Variants in ANO2 observed in about 807,000 individuals in gnomAD.
ANO2 encodes anoctamin 2.
A neutral mutation model predicts 124.2 loss-of-function variants in ANO2; 101 were observed. The observed-to-expected ratio is 0.81, with a 90% CI of 0.69 to 0.96. ANO2 has a LOEUF of 0.96. Ranked by LOEUF, ANO2 falls within the 40% of genes least tolerant of loss-of-function variation. ANO2 has a pLI of 0.00. For missense variants in ANO2, 1,293 were observed against 1,274.5 expected (o/e 1.01, Z -0.22); for synonymous variants, 486 against 482.5 (o/e 1.01, Z -0.09).
At chr12:5,694,058 C>T (rs1005498369) in intron 14 of ANO2, among the ~76,000 whole-genome samples, 1 of 152,120 alleles carries the variant, frequency 6.6e-6, no homozygotes, top group East Asian at 1.9e-4. Flanking sequence ...TTCAATGCTG[C>T]AGCCCCAGAG....
At chr12:5,751,006 A>G (rs1463582899) in intron 10 of ANO2, 36 bp from the exon 11 acceptor site, 1 of 1,552,358 alleles carries the variant, frequency 6.4e-7, no homozygotes, top group Admixed American at 1.9e-5. Flanking sequence ...AACACATATT[A>G]AGAACATCAT....
intron 4 of ANO2, among the ~76,000 whole-genome samples, chr12:5,840,959 C>T (rs979821946): frequency 3.2e-4 from 48 of 152,146 alleles, no homozygotes; most frequent in African/African-American, 1.0e-3. Context: ...ACAGAGAAGC[C>T]GAACAATAGG....
intron 3 of ANO2, among the ~76,000 whole-genome samples, chr12:5,903,686 C>T (rs2136284881): frequency 1.4e-5 from 2 of 140,966 alleles, no homozygotes; most frequent in South Asian, 4.4e-4. Context: ...TGGGTGTAGA[C>T]AGCAAGGTCT....
Position 5,814,234 on chromosome 12 carries a change from G to A in ANO2, c.893-6866C>T, listed in dbSNP as rs574322213. On this transcript the variant is annotated intron_variant, in intron 7 of 24. Transcript: ENST00000682330. ...ATTGTTAATTCCAGGTTACAACGCC[G>A]TCCCTGGCATTCCCCAACTCCCTGC... Among the ~76,000 whole-genome samples the A allele has an allele frequency of 5.4e-4, 83 of 152,298 alleles. 2 individuals carry two copies. Among genetic ancestry groups the A allele is most frequent in the African/African-American group, 1.6e-3 (65 of 41,562 alleles).
intron 14 of ANO2, among the ~76,000 whole-genome samples, chr12:5,680,110 G>T (rs1350382453): frequency 6.6e-6 from 1 of 152,138 alleles, no homozygotes; most frequent in African/African-American, 2.4e-5. Context: ...CACACTGGGG[G>T]AACAACACAC....
chr12:5,903,673 G>GTA (rs1436217029), intron 3 of ANO2, among the ~76,000 whole-genome samples: 2 of 151,738 alleles, frequency 1.3e-5, no homozygotes, highest in Non-Finnish European at 2.9e-5. Flanking sequence ...GTGTGTGTGT[G>GTA]TGTGGGTGTA....
At chr12:5,922,581 C>G (rs939444055) in intron 2 of ANO2, 39 bp downstream of exon 2, 16 of 1,504,502 alleles carry the variant, frequency 1.1e-5, no homozygotes, top group Non-Finnish European at 1.4e-5. Context: ...TGCAACAGGG[C>G]TGGCCTATCC....
chr12:5,615,295 C>A lies in ANO2; in HGVS notation c.1819G>T (p.Val607Phe), dbSNP rs184602163. 8.0e-5 allele frequency: 129 copies of A among 1,611,688 alleles called. No individual in the cohort carries two copies. The South Asian group carries it at 1.3e-3, about 16-fold the overall frequency. ...TCAAAAGTCTGTTCTGTTTTCGGAA[C>A]CTCTGTAAGAGAAGAGCGAGGCTGA... ...AVAKWLTKIE[V>F]PKTEQTFEER... is the part of the protein sequence containing the mutation. The change falls in exon 17 of 25, where the codon GTT (valine) becomes TTT (phenylalanine). Residue 607 changes from valine (V) to phenylalanine (F), a missense_variant and splice_region_variant. By Grantham distance (50) the Val-to-Phe change is conservative. Coordinates refer to ENST00000682330, the MANE Select transcript of ANO2 (RefSeq NM_001364791.2).
At position 5,888,428 on chromosome 12, in the gene ANO2, G is replaced by T. The variant is rs139123070; in HGVS notation, c.534+32612C>A. ...CGGATTGCCACCGCTGGCTCCAGCA[G>T]CCTGCTTTTATTCTCTTATCTGGCC... On this transcript the variant is annotated intron_variant, in intron 3 of 24. Transcript: ENST00000682330. Among the ~76,000 whole-genome samples, 824 of 152,266 alleles carry T rather than the reference G, an allele frequency of 5.4e-3. 6 individuals are homozygous for T. The highest frequency in any genetic ancestry group is 0.019 in the African/African-American group (800 of 41,554).
At chr12:5,762,706 TTGAA>T in intron 10 of ANO2, among the ~76,000 whole-genome samples, 1 of 151,990 alleles carries the variant, frequency 6.6e-6, no homozygotes, top group East Asian at 1.9e-4. Context: ...CTGACTATAA[TTGAA>T]TGAATTTATT....
chr12:5,702,614 G>T (rs1485968445), intron 14 of ANO2, among the ~76,000 whole-genome samples: 1 of 150,406 alleles, frequency 6.6e-6, no homozygotes, highest in Non-Finnish European at 1.5e-5. Context: ...CAATGAAATT[G>T]ATCTCTTCCG....
chr12:5,873,026 T>C (rs900039087), intron 3 of ANO2, among the ~76,000 whole-genome samples: 1 of 152,174 alleles, frequency 6.6e-6, no homozygotes. Flanking sequence ...GCTCTCTTTG[T>C]TTCAACATTT....
Position 5,921,113 on chromosome 12 carries a change from T to C in ANO2, c.461A>G (p.Glu154Gly). Residue 154 changes from glutamate (E) to glycine (G), a missense_variant, in exon 3 of 25, where the codon GAG (glutamate) becomes GGG (glycine). Transcript: ENST00000682330. ...ELGPLDALEE[E>G]RKEQREEFEH... ...AAATTCCTCCCGCTGCTCCTTCCTC[T>C]CCTCCTCCAGGGCATCGAGCGGTCC... 1 of 1,613,794 alleles carries C rather than the reference T, an allele frequency of 6.2e-7. No individual in the cohort carries two copies. The highest frequency in any genetic ancestry group is 8.5e-7 in the Non-Finnish European group (1 of 1,179,840).
chr12:5,691,093 G>A (rs1172745767), intron 14 of ANO2, among the ~76,000 whole-genome samples: 3 of 152,074 alleles, frequency 2.0e-5, no homozygotes, highest in African/African-American at 7.2e-5. Context: ...ACTTTGGGAG[G>A]CTGAGGCAGG....
At chr12:5,599,328 A>T (rs927288230) in intron 20 of ANO2, among the ~76,000 whole-genome samples, 156 bp downstream of exon 20, 1 of 152,158 alleles carries the variant, frequency 6.6e-6, no homozygotes, top group Non-Finnish European at 1.5e-5. Context: ...CTCAACTTTC[A>T]TGTGGCACTG....
chr12:5,738,783 G>C (rs1423786088), intron 13 of ANO2, among the ~76,000 whole-genome samples: 11 of 152,158 alleles, frequency 7.2e-5, no homozygotes. Flanking sequence ...CATCTGTCCA[G>C]AACACTGCTC....
At chr12:5,842,915 A>G (rs933687530) in intron 4 of ANO2, among the ~76,000 whole-genome samples, 2 of 152,112 alleles carry the variant, frequency 1.3e-5, no homozygotes, top group African/African-American at 2.4e-5. Flanking sequence ...ATTACAGAAA[A>G]CAAAATGAAT....
At chr12:5,896,062 T>G (rs1266227898) in intron 3 of ANO2, among the ~76,000 whole-genome samples, 1 of 152,122 alleles carries the variant, frequency 6.6e-6, no homozygotes, top group Non-Finnish European at 1.5e-5. Context: ...TCCTCTCACT[T>G]ATAAGTGGGA....
chr12:5,691,327 C>CAAAAAAAAAAAA (rs60573302), intron 14 of ANO2, among the ~76,000 whole-genome samples: 5 of 86,996 alleles, frequency 5.7e-5, no homozygotes, highest in Admixed American at 1.4e-4. Context: ...GACTCCATCT[C>CAAAAAAAAAAAA]AAAAAAAAAA....
Sources: gnomAD v4.1 joint callset for allele counts (sites outside exome capture counted in the v4.1 genomes callset) on GRCh38, gnomAD v4.1.1 for gene constraint, MANE v1.5 for transcripts, NCBI Gene and HGNC (gene_info 2026-07-23, HGNC 2026-07-21) for gene names.